EYA1: variants seen among roughly 807,000 people sequenced by gnomAD.
EYA1 encodes protein phosphatase EYA1.
A neutral mutation model predicts 82.0 loss-of-function variants in EYA1; 16 were observed. The ratio of observed to expected loss-of-function variants is 0.20; its 90% CI spans 0.13 to 0.30. EYA1 has a LOEUF of 0.30. Among genes scored for constraint, EYA1 ranks in the 10% least tolerant of loss-of-function variants. The pLI is 1.00. For synonymous variants in EYA1, 261 were observed against 264.4 expected (o/e 0.99, Z 0.12); for missense variants, 633 against 730.7 (o/e 0.87, Z 1.54).
At chr8:71,303,780 C>T (rs187244864) in intron 7 of EYA1, among the ~76,000 whole-genome samples, 1 of 142,858 alleles carries the variant, frequency 7.0e-6, no homozygotes, top group African/African-American at 2.5e-5. Context: ...AGTACTCTCT[C>T]TATGTTAGGA....
At chr8:71,438,147 T>C (rs1806142199) in intron 2 of EYA1, among the ~76,000 whole-genome samples, 1 of 152,106 alleles carries the variant, frequency 6.6e-6, no homozygotes, top group Admixed American at 6.5e-5. Context: ...ACCATCTTGT[T>C]AATTCTCACC....
intron 9 of EYA1, among the ~76,000 whole-genome samples, chr8:71,278,215 CTCTCT>C (rs773544858): frequency 6.6e-6 from 1 of 152,188 alleles, no homozygotes; most frequent in Non-Finnish European, 1.5e-5. Context: ...TTGTCTCTCT[CTCTCT>C]TAAGTAGATT....
intron 9 of EYA1, among the ~76,000 whole-genome samples, chr8:71,275,844 C>T (rs1291061385): frequency 6.6e-6 from 1 of 152,166 alleles, no homozygotes; most frequent in Non-Finnish European, 1.5e-5. Context: ...TAATTATTGT[C>T]TTAGTCTTCA....
Position 71,442,225 on chromosome 8 carries a change from A to G in EYA1, c.34-85714T>C, listed in dbSNP as rs369131743. On this transcript the variant is annotated intron_variant, in intron 2 of 18. Coordinates refer to the EYA1 transcript ENST00000643681. ...AGGCAATGCACTAAACTCTTCACCCATAACATCTCTTTTAATTCTTCCAAT... is the reference window on the plus strand; with the variant it reads ...AGGCAATGCACTAAACTCTTCACCCGTAACATCTCTTTTAATTCTTCCAAT... 3.9e-5 allele frequency among the ~76,000 whole-genome samples: 6 copies of G among 152,362 alleles called. No individual in the cohort carries two copies. The South Asian group carries it at 1.2e-3, about 32-fold the overall frequency.
chr8:71,451,384 A>T (rs1807360733), intron 2 of EYA1, among the ~76,000 whole-genome samples: 1 of 152,216 alleles, frequency 6.6e-6, no homozygotes, highest in African/African-American at 2.4e-5. Flanking sequence ...TTCAGAAACT[A>T]TTGGAGAAAA....
chr8:71,453,284 C>T (rs1042567713), intron 2 of EYA1, among the ~76,000 whole-genome samples: 1 of 152,212 alleles, frequency 6.6e-6, no homozygotes, highest in Non-Finnish European at 1.5e-5. Flanking sequence ...AACACCAACT[C>T]TACGTCTAAT....
Position 71,321,275 on chromosome 8 carries a change from C to G in EYA1, c.418+459G>C, listed in dbSNP as rs183603541. On this transcript the variant is annotated intron_variant, in intron 6 of 17. Coordinates refer to ENST00000340726, the MANE Select transcript of EYA1 (RefSeq NM_000503.6). ...TCACTTTTCCTAATGGTTGATAATGCTGAAATTTGAGACTATTACCACCCT... is the reference window on the plus strand; with the variant it reads ...TCACTTTTCCTAATGGTTGATAATGGTGAAATTTGAGACTATTACCACCCT... 1.8e-3 allele frequency among the ~76,000 whole-genome samples: 269 copies of G among 152,254 alleles called. 2 individuals are homozygous for G. Among genetic ancestry groups the G allele is most frequent in the African/African-American group, 6.2e-3 (259 of 41,552 alleles).
chr8:71,232,779 C>T (rs1322724819), intron 12 of EYA1, among the ~76,000 whole-genome samples: 6 of 151,868 alleles, frequency 4.0e-5, no homozygotes, highest in Admixed American at 6.6e-5. Context: ...TTCATTCCCT[C>T]GTCCCTCCTT....
intron 7 of EYA1, among the ~76,000 whole-genome samples, chr8:71,310,024 C>T (rs2129014077): frequency 6.6e-6 from 1 of 152,286 alleles, no homozygotes; most frequent in South Asian, 2.1e-4. Context: ...TACATCTGTG[C>T]AGCCCCTTCG....
chr8:71,297,602 GT>G (rs1437332293), intron 9 of EYA1, among the ~76,000 whole-genome samples: 2 of 152,082 alleles, frequency 1.3e-5, no homozygotes, highest in African/African-American at 4.8e-5. Flanking sequence ...GACACAGGTG[GT>G]TCAAATGAAA....
intron 2 of EYA1, among the ~76,000 whole-genome samples, chr8:71,476,586 A>G (rs1201025804): frequency 6.6e-6 from 1 of 152,072 alleles, no homozygotes; most frequent in Non-Finnish European, 1.5e-5. Context: ...AGCTAAATAC[A>G]TGGAAAGACA....
intron 4 of EYA1, among the ~76,000 whole-genome samples, chr8:71,331,285 C>CACACACACACAT (rs554459560): frequency 2.8e-4 from 36 of 127,542 alleles, no homozygotes; most frequent in African/African-American, 9.8e-4. Context: ...CACACACACA[C>CACACACACACAT]ATATATATAC....
chr8:71,544,358 C>T (rs1312573876), intron 1 of EYA1, among the ~76,000 whole-genome samples: 1 of 152,182 alleles, frequency 6.6e-6, no homozygotes, highest in African/African-American at 2.4e-5. Flanking sequence ...GGCAGATAGC[C>T]AATCTGCTTC....
chr8:71,408,172 T>C (rs936766904), intron 2 of EYA1, among the ~76,000 whole-genome samples: 2 of 151,938 alleles, frequency 1.3e-5, no homozygotes, highest in East Asian at 3.9e-4. Context: ...AAGCAAATGC[T>C]GAGAGATTTT....
At chr8:71,387,340 T>C (rs1225064191) in intron 2 of EYA1, among the ~76,000 whole-genome samples, 1 of 152,118 alleles carries the variant, frequency 6.6e-6, no homozygotes, top group East Asian at 1.9e-4. Context: ...CAGATGGGTG[T>C]TGACATTTAA....
chr8:71,417,698 C>A (rs772923900), intron 2 of EYA1, among the ~76,000 whole-genome samples: 22 of 152,110 alleles, frequency 1.4e-4, no homozygotes, highest in Non-Finnish European at 3.1e-4. Flanking sequence ...AACCAGACAG[C>A]CCTCTATAAC....
At chr8:71,275,492 A>T (rs537569895) in intron 9 of EYA1, among the ~76,000 whole-genome samples, 1 of 152,288 alleles carries the variant, frequency 6.6e-6, no homozygotes, top group African/African-American at 2.4e-5. Context: ...TGGGTTTAGG[A>T]TTGGAAACTG....
At chr8:71,457,088 A>C (rs1807990376) in intron 2 of EYA1, among the ~76,000 whole-genome samples, 1 of 152,228 alleles carries the variant, frequency 6.6e-6, no homozygotes, top group South Asian at 2.1e-4. Context: ...ACCCCATCAA[A>C]AAGTGGGCAA....
chr8:71,381,798 C>A (rs1828718300), intron 2 of EYA1, among the ~76,000 whole-genome samples: 1 of 152,178 alleles, frequency 6.6e-6, no homozygotes, highest in Non-Finnish European at 1.5e-5. Flanking sequence ...ACACTCAACT[C>A]CCTATCATAC....
Sources: allele counts gnomAD v4.1 joint callset (sites outside exome capture counted in the v4.1 genomes callset), GRCh38; gene constraint gnomAD v4.1.1; transcripts MANE v1.5; gene names NCBI Gene and HGNC (gene_info 2026-07-23, HGNC 2026-07-21).